The following LRCH1 variants were observed in gnomAD, a reference collection of about 807,000 sequenced individuals.
LRCH1 encodes leucine rich repeats and calponin homology domain containing 1.
In LRCH1, 23 loss-of-function variants were observed where a neutral mutation model predicts 94.9. That is an observed-to-expected ratio of 0.24 (90% CI 0.17 to 0.34). LRCH1 has a LOEUF of 0.34. Ranked by LOEUF, LRCH1 falls within the 10% of genes least tolerant of loss-of-function variation. The pLI is 1.00. For missense variants in LRCH1, 790 were observed against 945.9 expected, an observed-to-expected ratio of 0.84 and a Z score of 2.16; for synonymous variants, 364 against 354.9, an observed-to-expected ratio of 1.03 and a Z score of -0.29.
chr13:46,727,418 G>A (rs946751340), intron 17 of LRCH1, among the ~76,000 whole-genome samples: 3 of 152,206 alleles, frequency 2.0e-5, no homozygotes, highest in Non-Finnish European at 2.9e-5. Context: ...TCCAACATTC[G>A]TGTCTTGGGA....
In LRCH1 at chr13:46,553,378, T is replaced by TG. The variant is rs753681064; in HGVS notation, c.-12dup. ...CCCCCGCAGGAGCGGCGGGGCGGGG[T>TG]GGGGGGGCCCGGGAGAAGATGGCGA... On this transcript the variant is annotated 5_prime_UTR_variant, in exon 1 of 20. Coordinates refer to ENST00000389797, the MANE Select transcript of LRCH1 (RefSeq NM_001164211.2). The TG allele has an allele frequency of 5.9e-5, 88 of 1,481,100 alleles. No individual in the cohort carries two copies. In the African/African-American group the frequency reaches 6.6e-4, roughly 11 times the overall value. The allele number at this position is 1,481,100 out of a possible 1,614,324, so 91.7% of individuals were successfully genotyped here. A position where few individuals can be genotyped will look rare whatever the true frequency, so the allele number is the denominator to read the frequency against.
rs533267780 is a variant in LRCH1, at chr13:46,618,126, C to T, written c.308-32075C>T. ...GAGTGACTTACAGAAACCTAGATGG[C>T]GTGGCCTACTGCACACATAGGGTAT... On this transcript the variant is annotated intron_variant, in intron 1 of 19. Transcript: ENST00000389797. Among the ~76,000 whole-genome samples the T allele has an allele frequency of 5.9e-5, 9 of 152,230 alleles. No individual in the cohort carries two copies. The East Asian group carries it at 1.7e-3, about 29-fold the overall frequency.
intron 1 of LRCH1, among the ~76,000 whole-genome samples, chr13:46,620,869 A>G (rs1262387832): frequency 6.6e-6 from 1 of 152,356 alleles, no homozygotes; most frequent in South Asian, 2.1e-4. Context: ...CTGAAATGTT[A>G]TGGGGGACAT....
chr13:46,557,658 CATGGTAAAACCTCAT>C (rs2050080704), intron 1 of LRCH1, among the ~76,000 whole-genome samples: 1 of 151,726 alleles, frequency 6.6e-6, no homozygotes, highest in African/African-American at 2.4e-5. Flanking sequence ...GCCTGACCAA[CATGGTAAAACCTCAT>C]CTCTACTGAA....
intron 1 of LRCH1, among the ~76,000 whole-genome samples, chr13:46,637,100 G>A (rs1026661564): frequency 2.6e-5 from 4 of 152,134 alleles, no homozygotes; most frequent in African/African-American, 9.7e-5. Context: ...TGGCAACTCC[G>A]TTCTTCCAAT....
At position 46,648,192 on chromosome 13, in the gene LRCH1, G is replaced by C. The variant is rs2051247299; in HGVS notation, c.308-2009G>C. Among the ~76,000 whole-genome samples the C allele has an allele frequency of 2.0e-5, 3 of 152,150 alleles. No homozygotes were observed. In the South Asian group the frequency reaches 6.2e-4, roughly 32 times the overall value. On this transcript the variant is annotated intron_variant, in intron 1 of 19. Coordinates refer to ENST00000389797, the MANE Select transcript of LRCH1 (RefSeq NM_001164211.2). ...ATTCTAACAAGGAGCACGCAACCTA[G>C]GTCTCTTGCCTGCACAGTTCACAAT...
At chr13:46,687,034 C>G (rs1464904648) in intron 5 of LRCH1, among the ~76,000 whole-genome samples, 1 of 125,160 alleles carries the variant, frequency 8.0e-6, no homozygotes, top group African/African-American at 3.1e-5. Context: ...TCTTGGCTTA[C>G]TGCAGCCTCT....
At chr13:46,735,919 C>T (rs1383995052) in intron 19 of LRCH1, among the ~76,000 whole-genome samples, 1 of 151,532 alleles carries the variant, frequency 6.6e-6, no homozygotes. Flanking sequence ...GCCTCAGCCT[C>T]GCAGGTAGCT....
intron 16 of LRCH1, among the ~76,000 whole-genome samples, chr13:46,719,498 CAG>C (rs1008960484): frequency 6.6e-6 from 1 of 152,124 alleles, no homozygotes; most frequent in African/African-American, 2.4e-5. Context: ...TCACAGAAGA[CAG>C]AGATTACTCC....
intron 9 of LRCH1, among the ~76,000 whole-genome samples, chr13:46,697,289 C>T (rs1871245855): frequency 6.6e-6 from 1 of 152,198 alleles, no homozygotes; most frequent in Non-Finnish European, 1.5e-5. Context: ...CCAATCAGCA[C>T]ACAACCTTGG....
chr13:46,641,106 C>T (rs1292359593), intron 1 of LRCH1, among the ~76,000 whole-genome samples: 1 of 152,026 alleles, frequency 6.6e-6, no homozygotes, highest in Non-Finnish European at 1.5e-5. Context: ...ATGTGTGCCC[C>T]ATGGGTGCTG....
At chr13:46,568,093 G>A (rs1463212810) in intron 1 of LRCH1, among the ~76,000 whole-genome samples, 2 of 152,164 alleles carry the variant, frequency 1.3e-5, no homozygotes, top group African/African-American at 4.8e-5. Context: ...GATTGGATGA[G>A]CCCCATCACC....
intron 1 of LRCH1, among the ~76,000 whole-genome samples, chr13:46,558,565 G>A (rs562767511): frequency 1.7e-4 from 7 of 42,356 alleles, no homozygotes; most frequent in African/African-American, 1.3e-3. Context: ...GTGAAACCCT[G>A]TGTCTACAAA....
At chr13:46,696,609 T>A (rs1566233246) in intron 9 of LRCH1, among the ~76,000 whole-genome samples, 1 of 152,140 alleles carries the variant, frequency 6.6e-6, no homozygotes, top group African/African-American at 2.4e-5. Flanking sequence ...GAGGAGCAGA[T>A]AGGCGTGTGG....
intron 2 of LRCH1, among the ~76,000 whole-genome samples, chr13:46,666,673 G>A (rs776924561): frequency 2.0e-5 from 3 of 152,200 alleles, no homozygotes; most frequent in Non-Finnish European, 4.4e-5. Context: ...TTTATTTGCC[G>A]ATCCTCACTT....
At chr13:46,565,207 T>C (rs1698845204) in intron 1 of LRCH1, among the ~76,000 whole-genome samples, 1 of 152,182 alleles carries the variant, frequency 6.6e-6, no homozygotes. Context: ...AGAGAGTCAG[T>C]GTTATAAGGC....
Position 46,712,536 on chromosome 13 carries a change from C to A in LRCH1, c.1593C>A (p.Asn531Lys). Residue 531 changes from asparagine to lysine, a missense_variant, in exon 15 of 20, where the codon AAC (asparagine) becomes AAA (lysine). Transcript: ENST00000389797. The part of the protein sequence containing the change: ...SQYSPNEIRE[N>K]SPAVSPTTNS... Reference sequence around the variant, plus strand: ...TTCCAACACCACAGATTAGAGAGAACTCCCCTGCAGTCTCTCCTACCACAA... The same window carrying A: ...TTCCAACACCACAGATTAGAGAGAAATCCCCTGCAGTCTCTCCTACCACAA... 6.2e-7 allele frequency: 1 copy of A among 1,613,038 alleles called. No individual in the cohort carries two copies. Among genetic ancestry groups the A allele is most frequent in the Non-Finnish European group, 8.5e-7 (1 of 1,179,086 alleles).
chr13:46,554,105 C>T (rs1162153505), intron 1 of LRCH1, among the ~76,000 whole-genome samples: 1 of 152,260 alleles, frequency 6.6e-6, no homozygotes, highest in Non-Finnish European at 1.5e-5. Context: ...GGGCTGGGAA[C>T]TCCAGCGCGG....
chr13:46,597,489 T>C (rs1378153974), intron 1 of LRCH1, among the ~76,000 whole-genome samples: 2 of 152,080 alleles, frequency 1.3e-5, no homozygotes, highest in African/African-American at 4.8e-5. Context: ...CTCAAGTAGC[T>C]GGGGTTACAG....
Sources: gnomAD v4.1 joint callset for allele counts (sites outside exome capture counted in the v4.1 genomes callset) on GRCh38, gnomAD v4.1.1 for gene constraint, MANE v1.5 for transcripts, NCBI Gene and HGNC (gene_info 2026-07-23, HGNC 2026-07-21) for gene names.